PCDHGB6: variants seen among roughly 807,000 people sequenced by gnomAD.
The protein encoded by PCDHGB6 is protocadherin gamma-B6.
A neutral mutation model predicts 59.1 loss-of-function variants in PCDHGB6; 51 were observed. That is an observed-to-expected ratio of 0.86 (90% CI 0.69 to 1.09). The LOEUF (loss-of-function observed/expected upper bound fraction) is 1.09. Ranked by LOEUF, PCDHGB6 falls within the 50% of genes least tolerant of loss-of-function variation. PCDHGB6 has a pLI of 0.00. For missense variants in PCDHGB6, 1,148 were observed against 1,205.1 expected (o/e 0.95, Z 0.70); for synonymous variants, 466 against 495.1 (o/e 0.94, Z 0.78).
chr5:141,496,160 G>C (rs1428576442), intron 2 of PCDHGB6, among the ~76,000 whole-genome samples: 2 of 151,600 alleles, frequency 1.3e-5, no homozygotes, highest in Admixed American at 6.6e-5. Flanking sequence ...CTCTCCACCA[G>C]ACACCCTCCC....
Position 141,491,274 on chromosome 5 carries a change from T to C in PCDHGB6, c.2419-3533T>C, listed in dbSNP as rs2099710140. On this transcript the variant is annotated intron_variant, in intron 1 of 3. Transcript: ENST00000520790. The surrounding 1 kb of genome is among the most constrained non-coding windows in gnomAD (Gnocchi z 6.9). ...ACCCTGAGGAAATGCCCAAATCCAG[T>C]GACTTCCTCATACACCCTCCTGAGC... The C allele has an allele frequency of 6.2e-7, 1 of 1,614,102 alleles. No individual in the cohort carries two copies. Among genetic ancestry groups the C allele is most frequent in the Non-Finnish European group, 8.5e-7 (1 of 1,179,914 alleles).
At chr5:141,410,698 C>G in intron 1 of PCDHGB6, 78 bp downstream of exon 1, 1 of 1,482,836 alleles carries the variant, frequency 6.7e-7, no homozygotes, top group Non-Finnish European at 9.0e-7. Context: ...ACTTTATTTT[C>G]ATATCTAGAA....
In PCDHGB6 at chr5:141,487,153, T is replaced by C; in HGVS notation, c.2419-7654T>C. The stretch of plus-strand genomic sequence containing the variant: ...GTCCACCACTCTCTACCTCTGTTAC[T>C]CTCTTAGTGTCCTTAGAGGAAGACA... On this transcript the variant is annotated intron_variant, in intron 1 of 3. Coordinates refer to ENST00000520790, the MANE Select transcript of PCDHGB6 (RefSeq NM_018926.3). This position sits in a 1 kb window ranked among gnomAD's most constrained non-coding sequence, Gnocchi z 5.0. 3 of 1,613,954 alleles carry C rather than the reference T, an allele frequency of 1.9e-6. No individual in the cohort carries two copies. Among genetic ancestry groups the C allele is most frequent in the Non-Finnish European group, 2.5e-6 (3 of 1,179,838 alleles).
At chr5:141,443,317 C>CAA (rs35054295) in intron 1 of PCDHGB6, among the ~76,000 whole-genome samples, 2,546 of 141,926 alleles carry the variant, frequency 0.018, 55 homozygotes, top group African/African-American at 0.052. Flanking sequence ...CCCATCTCTA[C>CAA]AAAAAAAAAA....
chr5:141,414,434 C>T (rs774467993), intron 1 of PCDHGB6: 5 of 1,613,704 alleles, frequency 3.1e-6, no homozygotes, highest in Non-Finnish European at 3.4e-6. Context: ...GAACAGGTAT[C>T]CTCTTACAAT....
chr5:141,470,379 A>G (rs1210709847), intron 1 of PCDHGB6, among the ~76,000 whole-genome samples: 1 of 152,086 alleles, frequency 6.6e-6, no homozygotes, highest in East Asian at 1.9e-4. Flanking sequence ...TGGAAAGACT[A>G]CTCGATGATA....
At chr5:141,417,003 A>T (rs1444236854) in intron 1 of PCDHGB6, 1 of 150,264 alleles carries the variant, frequency 6.7e-6, no homozygotes, top group African/African-American at 2.5e-5. Flanking sequence ...CATCTCAAAT[A>T]ATTCTATTAT....
Position 141,491,478 on chromosome 5 carries a change from C to A in PCDHGB6, c.2419-3329C>A. ...CCCCGGACTTCTATAAGCAGTCCAG[C>A]CCCAACCTGCAGGTGAGCTCGGACG... On this transcript the variant is annotated intron_variant, in intron 1 of 3. Coordinates refer to ENST00000520790, the MANE Select transcript of PCDHGB6 (RefSeq NM_018926.3). The surrounding 1 kb of genome is among the most constrained non-coding windows in gnomAD (Gnocchi z 6.9). 6.2e-7 allele frequency: 1 copy of A among 1,614,068 alleles called. No individual in the cohort carries two copies. Among genetic ancestry groups the A allele is most frequent in the Non-Finnish European group, 8.5e-7 (1 of 1,180,004 alleles).
At chr5:141,422,434 T>C in intron 1 of PCDHGB6, 5 of 1,609,566 alleles carry the variant, frequency 3.1e-6, no homozygotes, top group Non-Finnish European at 3.4e-6. Context: ...TGGAAATTAT[T>C]ACAAATTGAT....
At chr5:141,482,235 T>C (rs2099554999) in intron 1 of PCDHGB6, among the ~76,000 whole-genome samples, 1 of 152,174 alleles carries the variant, frequency 6.6e-6, no homozygotes, top group Non-Finnish European at 1.5e-5. Context: ...AAATTGCCAA[T>C]ATAAGTATAG....
intron 1 of PCDHGB6, chr5:141,440,034 A>T (rs995962283): frequency 6.5e-6 from 1 of 153,052 alleles, no homozygotes; most frequent in African/African-American, 2.4e-5. Context: ...AGTGTCGAGG[A>T]CATGCCCACT....
chr5:141,459,609 T>C (rs939880462), intron 1 of PCDHGB6, among the ~76,000 whole-genome samples: 1 of 152,230 alleles, frequency 6.6e-6, no homozygotes, highest in African/African-American at 2.4e-5. Context: ...AAGTATATGC[T>C]TAACTTTATA....
At position 141,427,298 on chromosome 5, in the gene PCDHGB6, G is replaced by A. The variant is rs960474831; in HGVS notation, c.2418+16678G>A. The A allele has an allele frequency of 8.8e-6, 4 of 456,870 alleles. No individual in the cohort carries two copies. The Admixed American group carries it at 9.4e-5, about 11-fold the overall frequency. 28.3% of individuals were successfully genotyped at this position (456,870 alleles called of 1,614,324 possible). A position where few individuals can be genotyped will look rare whatever the true frequency, so the allele number is the denominator to read the frequency against. On this transcript the variant is annotated intron_variant, in intron 1 of 3. Coordinates refer to ENST00000520790, the MANE Select transcript of PCDHGB6 (RefSeq NM_018926.3). ...AAATTATACTAGAAATCCTAGATGA[G>A]AATGACAATGCCCCAGACGTGGTTT...
At chr5:141,502,484 G>A (rs962659219) in intron 2 of PCDHGB6, among the ~76,000 whole-genome samples, 1 of 152,000 alleles carries the variant, frequency 6.6e-6, no homozygotes. Context: ...CATCACACTG[G>A]GACTCATCTA....
At position 141,449,665 on chromosome 5, in the gene PCDHGB6, G is replaced by T. The variant is rs144213743; in HGVS notation, c.2418+39045G>T. 9.3e-5 allele frequency among the ~76,000 whole-genome samples: 14 copies of T among 150,156 alleles called. No individual in the cohort carries two copies. In the East Asian group the frequency reaches 2.7e-3, roughly 29 times the overall value. Reference sequence around the variant, plus strand: ...TATACATATTTACATACACACCCAAGTGTGTATGTATATATGTTTGTGTGT... The same window carrying T: ...TATACATATTTACATACACACCCAATTGTGTATGTATATATGTTTGTGTGT... On this transcript the variant is annotated intron_variant, in intron 1 of 3. Coordinates refer to ENST00000520790, the MANE Select transcript of PCDHGB6 (RefSeq NM_018926.3).
chr5:141,505,803 C>T (rs920849273), intron 3 of PCDHGB6, among the ~76,000 whole-genome samples: 29 of 152,116 alleles, frequency 1.9e-4, no homozygotes, highest in African/African-American at 6.5e-4. Flanking sequence ...GGACTTGGAT[C>T]GACTTGCTCA....
intron 1 of PCDHGB6, chr5:141,413,829 C>T (rs923860929): frequency 1.1e-5 from 18 of 1,613,176 alleles, no homozygotes; most frequent in Non-Finnish European, 1.4e-5. Flanking sequence ...TCCTCACCGC[C>T]TCCGACGGGG....
intron 1 of PCDHGB6, chr5:141,412,735 T>A (rs2095573578): frequency 6.5e-6 from 1 of 153,492 alleles, no homozygotes; most frequent in African/African-American, 2.4e-5. Context: ...GTGTTGCAAA[T>A]ATATATTTAA....
chr5:141,413,578 C>G, intron 1 of PCDHGB6: 1 of 1,613,870 alleles, frequency 6.2e-7, no homozygotes, highest in Non-Finnish European at 8.5e-7. Flanking sequence ...TGACAATGCT[C>G]CAAAATTCCA....
Sources: allele counts gnomAD v4.1 joint callset (sites outside exome capture counted in the v4.1 genomes callset), GRCh38; gene constraint gnomAD v4.1.1; non-coding constraint Gnocchi (gnomAD v3.1); transcripts MANE v1.5; gene names NCBI Gene and HGNC (gene_info 2026-07-23, HGNC 2026-07-21).